Variants in CSMD1 observed in about 807,000 individuals in gnomAD.
CSMD1 encodes CUB and Sushi multiple domains 1, also known as CUB and sushi domain-containing protein 1.
A neutral mutation model predicts 417.5 loss-of-function variants in CSMD1; 213 were observed. The observed-to-expected ratio is 0.51, with a 90% confidence interval of 0.46 to 0.57. The LOEUF (loss-of-function observed/expected upper bound fraction) is 0.57. Ranked by LOEUF, CSMD1 falls within the 20% of genes least tolerant of loss-of-function variation. The pLI, the probability that CSMD1 is intolerant of heterozygous loss-of-function variation, is 0.00. For synonymous variants in CSMD1, 2,862 were observed against 1,736.8 expected, an observed-to-expected ratio of 1.65 and a Z score of -16.11; for missense variants, 6,923 against 4,529.7, an observed-to-expected ratio of 1.53 and a Z score of -15.17.
At chr8:3,318,848 C>T (rs773853548) in intron 23 of CSMD1, among the ~76,000 whole-genome samples, 29 of 152,094 alleles carry the variant, frequency 1.9e-4, no homozygotes, top group Non-Finnish European at 2.9e-5. Flanking sequence ...CCAAAGGAGC[C>T]CCCTGTGCTT....
At chr8:3,653,300 T>C (rs1340304420) in intron 7 of CSMD1, among the ~76,000 whole-genome samples, 1 of 152,066 alleles carries the variant, frequency 6.6e-6, no homozygotes, top group African/African-American at 2.4e-5. Context: ...AAACTAAAGT[T>C]ATGGGGGTTC....
intron 2 of CSMD1, among the ~76,000 whole-genome samples, chr8:4,612,456 T>C (rs566216269): frequency 8.5e-5 from 13 of 152,158 alleles, no homozygotes; most frequent in Non-Finnish European, 1.9e-4. Context: ...CCTACCTGTG[T>C]CCTTCTCAAG....
chr8:3,115,093 GT>G, intron 42 of CSMD1, among the ~76,000 whole-genome samples: 1 of 151,308 alleles, frequency 6.6e-6, no homozygotes, highest in East Asian at 1.9e-4. Context: ...ATTTTAAATT[GT>G]TGAACTATAT....
chr8:3,995,465 A>T (rs1000311461), intron 5 of CSMD1, among the ~76,000 whole-genome samples: 4 of 152,228 alleles, frequency 2.6e-5, no homozygotes, highest in Admixed American at 1.3e-4. Flanking sequence ...TTTATGATCC[A>T]GCCTGTAGTC....
intron 2 of CSMD1, among the ~76,000 whole-genome samples, chr8:4,435,923 G>T (rs1053261505): frequency 2.0e-5 from 3 of 152,068 alleles, no homozygotes; most frequent in East Asian, 1.9e-4. Flanking sequence ...AAAATAATTA[G>T]AATTTTAACC....
At position 3,359,293 on chromosome 8, in the gene CSMD1, G is replaced by C; in HGVS notation, c.3163C>G (p.Arg1055Gly). The change falls in exon 21 of 70, where the codon CGA becomes GGA. Residue 1055 changes from arginine (R) to glycine (G), a missense_variant. Physicochemically the swap from Arg to Gly is moderately radical, Grantham distance 125. Coordinates refer to ENST00000635120, the MANE Select transcript of CSMD1 (RefSeq NM_033225.6). ...ACACCAAAGTGAAAACCAATTCTTC[G>C]GCTGAAGGCAGGGACTCCAGGATCA... ...CDDPGVPAFS[R>G]RIGFHFGVGD... is the part of the protein sequence containing the mutation. 6.2e-7 allele frequency: 1 copy of C among 1,613,700 alleles called. No homozygotes were observed. The highest frequency in any genetic ancestry group is 2.2e-5 in the East Asian group (1 of 44,854).
chr8:3,301,564 G>A (rs1268144344), intron 25 of CSMD1, among the ~76,000 whole-genome samples: 2 of 152,136 alleles, frequency 1.3e-5, no homozygotes, highest in Non-Finnish European at 2.9e-5. Flanking sequence ...AGAAACTGGA[G>A]GTGAGTCAAT....
intron 10 of CSMD1, among the ~76,000 whole-genome samples, chr8:3,507,814 A>G (rs1390428705): frequency 3.9e-5 from 6 of 152,128 alleles, no homozygotes; most frequent in African/African-American, 1.4e-4. Flanking sequence ...CTTTTGAGAA[A>G]TATCTGTTCA....
At chr8:3,802,963 T>A (rs1241005328) in intron 5 of CSMD1, among the ~76,000 whole-genome samples, 1 of 152,150 alleles carries the variant, frequency 6.6e-6, no homozygotes, top group Non-Finnish European at 1.5e-5. Context: ...CAGCCAAAAA[T>A]GTTCATGATC....
At chr8:3,007,672 C>T (rs1282904362) in intron 52 of CSMD1, among the ~76,000 whole-genome samples, 3 of 149,088 alleles carry the variant, frequency 2.0e-5, no homozygotes, top group Non-Finnish European at 4.4e-5. Context: ...ATCGCAAGAA[C>T]AAAAAACCAA....
chr8:4,274,469 T>C (rs916453342), intron 3 of CSMD1, among the ~76,000 whole-genome samples: 1 of 152,174 alleles, frequency 6.6e-6, no homozygotes, highest in Non-Finnish European at 1.5e-5. Context: ...ACAGTCGTAA[T>C]GGCATTAATT....
chr8:3,903,308 G>C (rs1331290692), intron 5 of CSMD1, among the ~76,000 whole-genome samples: 1 of 135,006 alleles, frequency 7.4e-6, no homozygotes. Flanking sequence ...AGAATATCCA[G>C]GATGAATTAA....
chr8:3,518,976 T>TA (rs1797393175), intron 10 of CSMD1, among the ~76,000 whole-genome samples: 1 of 152,210 alleles, frequency 6.6e-6, no homozygotes, highest in Non-Finnish European at 1.5e-5. Context: ...TGTAGCACTT[T>TA]TAAACTGAAA....
rs572791913 is a variant in CSMD1 at position 3,059,556 on chromosome 8, T to C, written c.7475-6909A>G. 3.3e-5 allele frequency among the ~76,000 whole-genome samples: 5 copies of C among 151,958 alleles called. No individual in the cohort carries two copies. In the South Asian group the frequency reaches 8.3e-4, roughly 25 times the overall value. ...GGGCCCAGGTGACAGGCATGTAGCT[T>C]ATAGGAGGCACGTCAGGACACCCTT... On this transcript the variant is annotated intron_variant, in intron 49 of 69. Coordinates refer to ENST00000635120, the MANE Select transcript of CSMD1 (RefSeq NM_033225.6).
At chr8:4,325,600 A>C (rs1419245835) in intron 3 of CSMD1, among the ~76,000 whole-genome samples, 2 of 152,192 alleles carry the variant, frequency 1.3e-5, no homozygotes, top group East Asian at 1.9e-4. Context: ...TATAGTAGGC[A>C]GGGCAACATG....
At chr8:4,824,813 C>G (rs1799727661) in intron 1 of CSMD1, among the ~76,000 whole-genome samples, 1 of 152,078 alleles carries the variant, frequency 6.6e-6, no homozygotes, top group Admixed American at 6.6e-5. Flanking sequence ...GAGGAAATGA[C>G]CAGGTATATA....
At chr8:3,018,276 A>G (rs1045728112) in intron 52 of CSMD1, among the ~76,000 whole-genome samples, 1 of 152,246 alleles carries the variant, frequency 6.6e-6, no homozygotes. Flanking sequence ...ACTTAAGGCA[A>G]TATATGACTT....
At chr8:3,247,662 A>T (rs1799974292) in intron 26 of CSMD1, among the ~76,000 whole-genome samples, 1 of 152,210 alleles carries the variant, frequency 6.6e-6, no homozygotes, top group Admixed American at 6.5e-5. Context: ...CCCCGCCCCC[A>T]GTTCTAAAAT....
chr8:4,421,991 A>C (rs56225753), intron 2 of CSMD1, among the ~76,000 whole-genome samples: 1 of 152,118 alleles, frequency 6.6e-6, no homozygotes, highest in African/African-American at 2.4e-5. Context: ...AGAATTCATC[A>C]TAAAGATAAT....
Sources: allele counts gnomAD v4.1 joint callset (sites outside exome capture counted in the v4.1 genomes callset), GRCh38; gene constraint gnomAD v4.1.1; transcripts MANE v1.5; gene names NCBI Gene and HGNC (gene_info 2026-07-23, HGNC 2026-07-21).